The following ZNF557 variants were observed in gnomAD, a reference collection of about 807,000 sequenced individuals.
ZNF557 encodes the protein CTB-25J19.9.
In ZNF557, 19 loss-of-function variants were observed where a neutral mutation model predicts 21.2. That is an observed-to-expected ratio of 0.90 (90% CI 0.63 to 1.32). The LOEUF (loss-of-function observed/expected upper bound fraction) is 1.32, where lower values mean the gene tolerates loss of function less well. Among genes scored for constraint, ZNF557 ranks in the 40% most tolerant of loss-of-function variants. The pLI is 0.00. For missense variants in ZNF557, 487 were observed against 519.8 expected (o/e 0.94, Z 0.61); for synonymous variants, 207 against 194.8 (o/e 1.06, Z -0.52).
chr19:7,075,826 C>T, intron 4 of ZNF557, 83 bp downstream of exon 4: 1 of 1,557,788 alleles, frequency 6.4e-7, no homozygotes, highest in East Asian at 2.3e-5. Flanking sequence ...CCTGGAGCCC[C>T]ACGGCCAAAC....
rs1977867211 is a variant in ZNF557, at chr19:7,087,049, C to G, written c.*3305C>G. On this transcript the variant is annotated 3_prime_UTR_variant, in exon 8 of 8. Transcript: ENST00000252840. Reference sequence around the variant, plus strand: ...ATCTCAAAAAAAGATGTACAGTGTACTAGGCTTTCCTGAAGCTTAGACAGG... The same window carrying G: ...ATCTCAAAAAAAGATGTACAGTGTAGTAGGCTTTCCTGAAGCTTAGACAGG... 7.6e-6 allele frequency: 1 copy of G among 132,242 alleles called. No homozygotes were observed. The highest frequency in any genetic ancestry group is 3.0e-5 in the African/African-American group (1 of 33,482). The allele number at this position is 132,242 out of a possible 1,614,324, so 8.2% of individuals were successfully genotyped here. A position where few individuals can be genotyped will look rare whatever the true frequency, so the allele number is the denominator to read the frequency against.
At chr19:7,078,078 G>C in intron 5 of ZNF557, among the ~76,000 whole-genome samples, 1 of 152,128 alleles carries the variant, frequency 6.6e-6, no homozygotes, top group East Asian at 1.9e-4. Flanking sequence ...CATTTTCAAA[G>C]ATTTCCTCCC....
chr19:7,079,430 AC>A (rs757563177), intron 5 of ZNF557, among the ~76,000 whole-genome samples: 48,672 of 108,046 alleles, frequency 0.45, 9,151 homozygotes, highest in South Asian at 0.52. Flanking sequence ...TTTAGTAGAG[AC>A]AGGGTTCACC....
chr19:7,083,809 A>G lies in ZNF557; in HGVS notation c.*65A>G, dbSNP rs1977776492. 2.0e-6 allele frequency: 3 copies of G among 1,520,688 alleles called. No individual in the cohort carries two copies. The highest frequency in any genetic ancestry group is 2.8e-5 in the African/African-American group (2 of 72,040). 94.2% of individuals were successfully genotyped at this position (1,520,688 alleles called of 1,614,324 possible). A position where few individuals can be genotyped will look rare whatever the true frequency, so the allele number is the denominator to read the frequency against. On this transcript the variant is annotated 3_prime_UTR_variant, in exon 8 of 8. Transcript: ENST00000252840. The stretch of plus-strand genomic sequence containing the variant: ...GCCTCAGATAACATGAGCAAACTCT[A>G]ACAAGATGTATGAATCACCTGCTAC...
intron 3 of ZNF557, 60 bp downstream of exon 3, chr19:7,075,165 C>T: frequency 1.9e-6 from 3 of 1,610,282 alleles, no homozygotes; most frequent in Non-Finnish European, 1.7e-6. Context: ...TGACCCACAG[C>T]ATGGGATGGG....
Position 7,081,389 on chromosome 19 carries a change from T to A in ZNF557, c.277T>A (p.Ser93Thr). 1 of 1,613,944 alleles carries A rather than the reference T, an allele frequency of 6.2e-7. No homozygotes were observed. The highest frequency in any genetic ancestry group is 1.3e-5 in the African/African-American group (1 of 75,004). ...GNQVDKPRLI[S>T]QLEQEDKVMT... ...CCAAGTTGATAAACCTAGGCTGATC[T>A]CCCAGCTGGAGCAAGAAGATAAAGT... Residue 93 changes from serine to threonine, a missense_variant, in exon 6 of 8, where the codon TCC becomes ACC. Coordinates refer to ENST00000252840, the MANE Select transcript of ZNF557 (RefSeq NM_024341.3).
At chr19:7,073,585 T>C (rs1231620857) in intron 2 of ZNF557, among the ~76,000 whole-genome samples, 1 of 152,082 alleles carries the variant, frequency 6.6e-6, no homozygotes, top group East Asian at 1.9e-4. Context: ...AGACCAGATG[T>C]CAGAGACACT....
intron 1 of ZNF557, 58 bp from the exon 2 acceptor site, chr19:7,070,504 G>C (rs1409729080): frequency 6.6e-6 from 1 of 152,042 alleles, no homozygotes; most frequent in Admixed American, 6.5e-5. Context: ...TTTACTATAC[G>C]TACATATTAC....
rs540106226 is a variant in ZNF557 at position 7,084,077 on chromosome 19, G to A, written c.*333G>A. On this transcript the variant is annotated 3_prime_UTR_variant, in exon 8 of 8. Transcript: ENST00000252840. Reference sequence around the variant, plus strand: ...TGCTAGCTGTTTCCAAGGGAGCTGCGCTTCCAAATCACGTAGGCCTCTCAA... The same window carrying A: ...TGCTAGCTGTTTCCAAGGGAGCTGCACTTCCAAATCACGTAGGCCTCTCAA... 36 of 231,554 alleles carry A rather than the reference G, an allele frequency of 1.6e-4. No individual in the cohort carries two copies. Among genetic ancestry groups the A allele is most frequent in the Non-Finnish European group, 1.9e-4 (22 of 117,250 alleles). 14.3% of individuals were successfully genotyped at this position (231,554 alleles called of 1,614,324 possible). A position where few individuals can be genotyped will look rare whatever the true frequency, so the allele number is the denominator to read the frequency against.
At chr19:7,077,131 TC>T (rs1163848420) in intron 5 of ZNF557, among the ~76,000 whole-genome samples, 3 of 111,312 alleles carry the variant, frequency 2.7e-5, no homozygotes, top group East Asian at 2.3e-4. Flanking sequence ...ATGTTTTCTT[TC>T]TTTTTTTTTT....
At position 7,082,888 on chromosome 19, in the gene ZNF557, ATCT is replaced by A; in HGVS notation, c.439_441del (p.Leu147del). ...TCTCTTAATCAATAGGAGAGGAATC[ATCT>A]TGGAGCAACACTCAACGAATGTAAT... On this transcript the variant is annotated inframe_deletion, in exon 8 of 8. Coordinates refer to ENST00000252840, the MANE Select transcript of ZNF557 (RefSeq NM_024341.3). 1 of 1,576,054 alleles carries A rather than the reference ATCT, an allele frequency of 6.3e-7. No individual in the cohort carries two copies. Among genetic ancestry groups the A allele is most frequent in the Middle Eastern group, 1.7e-4 (1 of 5,864 alleles).
At chr19:7,072,115 CAAAAAAAAA>C (rs71177148) in intron 2 of ZNF557, among the ~76,000 whole-genome samples, 1 of 67,366 alleles carries the variant, frequency 1.5e-5, no homozygotes, top group Non-Finnish European at 2.7e-5. Flanking sequence ...GACTCCGTCT[CAAAAAAAAA>C]AAAAAAAAAA....
At chr19:7,075,241 G>T (rs1977560644) in intron 3 of ZNF557, 136 bp downstream of exon 3, 2 of 1,247,146 alleles carry the variant, frequency 1.6e-6, no homozygotes, top group South Asian at 2.5e-5. Flanking sequence ...CTCCGTGTCT[G>T]ATCGGGCGGC....
intron 2 of ZNF557, among the ~76,000 whole-genome samples, chr19:7,071,136 CAAAAT>C (rs906546794): frequency 5.9e-5 from 9 of 151,990 alleles, no homozygotes; most frequent in African/African-American, 2.2e-4. Context: ...TAATGTGTGT[CAAAAT>C]AAGTCAGTAA....
chr19:7,072,508 A>G (rs1048383719), intron 2 of ZNF557, among the ~76,000 whole-genome samples: 10 of 152,032 alleles, frequency 6.6e-5, no homozygotes, highest in Non-Finnish European at 1.2e-4. Context: ...CTCATGTTCA[A>G]ACTCCTCACC....
At chr19:7,075,893 T>C (rs530124125) in intron 4 of ZNF557, 150 bp downstream of exon 4, 283 of 1,449,156 alleles carry the variant, frequency 2.0e-4, no homozygotes, top group Non-Finnish European at 2.3e-4. Context: ...AATGTCAGTG[T>C]GTGTCAACGT....
At chr19:7,071,656 C>T (rs1977460119) in intron 2 of ZNF557, among the ~76,000 whole-genome samples, 1 of 151,822 alleles carries the variant, frequency 6.6e-6, no homozygotes, top group Non-Finnish European at 1.5e-5. Context: ...CCAGCCTGGC[C>T]AACAGGGTGA....
intron 5 of ZNF557, among the ~76,000 whole-genome samples, chr19:7,079,327 T>C (rs540870187): frequency 1.8e-4 from 27 of 149,550 alleles, no homozygotes; most frequent in East Asian, 6.0e-4. Context: ...CTGCAAGCTC[T>C]GCCTCCCAGG....
At chr19:7,070,866 A>C (rs1007489545) in intron 2 of ZNF557, among the ~76,000 whole-genome samples, 5 of 151,836 alleles carry the variant, frequency 3.3e-5, no homozygotes, top group Admixed American at 1.3e-4. Flanking sequence ...CCCAGGTTCA[A>C]GCAGTTCTCC....
Sources: gnomAD v4.1 joint callset for allele counts (sites outside exome capture counted in the v4.1 genomes callset) on GRCh38, gnomAD v4.1.1 for gene constraint, MANE v1.5 for transcripts, NCBI Gene and HGNC (gene_info 2026-07-23, HGNC 2026-07-21) for gene names.